Variants in CFAP52 observed in about 807,000 individuals in gnomAD.
CFAP52 encodes the protein cilia- and flagella-associated protein 52.
In CFAP52, 57 loss-of-function variants were observed where a neutral mutation model predicts 70.5. The observed-to-expected ratio is 0.81, with a 90% CI of 0.65 to 1.01. The LOEUF is 1.01. CFAP52 is among the 50% of genes least tolerant of loss of function. CFAP52 has a pLI of 0.00. For missense variants in CFAP52, 785 were observed against 788.5 expected (o/e 1.00, Z 0.05); for synonymous variants, 267 against 292.5 (o/e 0.91, Z 0.89).
In CFAP52 at chr17:9,636,968, C is replaced by A. The variant is rs1329116877; in HGVS notation, c.1472+1412C>A. 3.9e-5 allele frequency among the ~76,000 whole-genome samples: 6 copies of A among 152,114 alleles called. No homozygotes were observed. The South Asian group carries it at 8.3e-4, about 21-fold the overall frequency. Reference sequence around the variant, plus strand: ...GCTGAGGCAGGAGAATCGCTTGAACCCGGGAGGCGGAGGTTGCAGTGAGCT... The same window carrying A: ...GCTGAGGCAGGAGAATCGCTTGAACACGGGAGGCGGAGGTTGCAGTGAGCT... On this transcript the variant is annotated intron_variant, in intron 11 of 13. Coordinates refer to ENST00000352665, the MANE Select transcript of CFAP52 (RefSeq NM_145054.5).
chr17:9,641,868 G>A, intron 13 of CFAP52, 33 bp downstream of exon 13: 7 of 1,586,920 alleles, frequency 4.4e-6, no homozygotes, highest in Non-Finnish European at 6.1e-6. Flanking sequence ...GCCAAGCCTG[G>A]CTTATTTAGA....
Position 9,608,344 on chromosome 17 carries a change from G to A in CFAP52, c.854+125G>A, listed in dbSNP as rs969580540. 30 of 745,226 alleles carry A rather than the reference G, an allele frequency of 4.0e-5. No individual in the cohort carries two copies. In the African/African-American group the frequency reaches 4.9e-4, roughly 12 times the overall value. 46.2% of individuals were successfully genotyped at this position (745,226 alleles called of 1,614,324 possible). Reference sequence around the variant, plus strand: ...GTTAAAAAATTTCATCTTGCTGTTAGAATGAGTAGTTGGAATCACAATAGA... The same window carrying A: ...GTTAAAAAATTTCATCTTGCTGTTAAAATGAGTAGTTGGAATCACAATAGA... On this transcript the variant is annotated intron_variant, in intron 7 of 13. Coordinates refer to ENST00000352665, the MANE Select transcript of CFAP52 (RefSeq NM_145054.5).
chr17:9,630,534 A>G (rs972240739), intron 9 of CFAP52, among the ~76,000 whole-genome samples: 4 of 145,246 alleles, frequency 2.8e-5, no homozygotes, highest in African/African-American at 1.0e-4. Context: ...GGTTCACGCC[A>G]TTCTCCTGCC....
At chr17:9,589,710 G>GA (rs1410843762) in intron 3 of CFAP52, among the ~76,000 whole-genome samples, 1 of 147,042 alleles carries the variant, frequency 6.8e-6, no homozygotes, top group Admixed American at 6.9e-5. Flanking sequence ...TCCAGCCTGG[G>GA]GACAAGAGCG....
chr17:9,598,128 G>A (rs926880499), intron 4 of CFAP52, 106 bp from the exon 5 acceptor site: 60 of 832,716 alleles, frequency 7.2e-5, no homozygotes, highest in African/African-American at 3.9e-4. Context: ...AGGCCATAAC[G>A]AAGCCTCAAA....
chr17:9,586,434 A>C (rs942874166), intron 2 of CFAP52, among the ~76,000 whole-genome samples: 3 of 151,964 alleles, frequency 2.0e-5, no homozygotes, highest in African/African-American at 7.3e-5. Flanking sequence ...GTGCTGGTGC[A>C]TGCCTGTAAT....
intron 3 of CFAP52, among the ~76,000 whole-genome samples, chr17:9,587,936 C>G (rs1908567523): frequency 6.6e-6 from 1 of 152,148 alleles, no homozygotes; most frequent in African/African-American, 2.4e-5. Flanking sequence ...AAGTTGGCTG[C>G]ATGTTGAAAT....
intron 11 of CFAP52, among the ~76,000 whole-genome samples, chr17:9,636,577 C>T (rs1157696054): frequency 6.6e-6 from 1 of 152,068 alleles, no homozygotes; most frequent in Non-Finnish European, 1.5e-5. Context: ...ATTCCTCCAC[C>T]CCTCTCCCCA....
chr17:9,608,039 T>C (rs1054106556), intron 6 of CFAP52, 80 bp from the exon 7 acceptor site: 30 of 1,066,082 alleles, frequency 2.8e-5, no homozygotes, highest in Admixed American at 5.3e-5. Context: ...GAACAGGTGG[T>C]ATTTGGTTAC....
At chr17:9,587,158 T>C (rs1207058347) in intron 3 of CFAP52, among the ~76,000 whole-genome samples, 1 of 152,236 alleles carries the variant, frequency 6.6e-6, no homozygotes, top group Non-Finnish European at 1.5e-5. Flanking sequence ...CTAAGGATAA[T>C]GGCCTCCAGC....
intron 6 of CFAP52, among the ~76,000 whole-genome samples, chr17:9,604,493 C>T (rs1045528337): frequency 6.6e-6 from 1 of 152,170 alleles, no homozygotes; most frequent in African/African-American, 2.4e-5. Context: ...GGCAGCCGGG[C>T]GCAGTGGCTT....
chr17:9,583,155 G>A (rs1908301817), intron 1 of CFAP52, among the ~76,000 whole-genome samples: 1 of 151,980 alleles, frequency 6.6e-6, no homozygotes, highest in Non-Finnish European at 1.5e-5. Flanking sequence ...CCATATGATT[G>A]TTTATAAAGA....
chr17:9,584,318 T>G (rs1258890154), intron 1 of CFAP52: 1 of 1,290,118 alleles, frequency 7.8e-7, no homozygotes, highest in Admixed American at 2.3e-5. Context: ...GTACGGGAGT[T>G]GCCTGTGGAA....
chr17:9,583,133 C>T (rs566693932), intron 1 of CFAP52, among the ~76,000 whole-genome samples: 1 of 152,130 alleles, frequency 6.6e-6, no homozygotes, highest in Admixed American at 6.6e-5. Context: ...TTTAATTTTT[C>T]CATATGGATA....
intron 10 of CFAP52, among the ~76,000 whole-genome samples, chr17:9,633,372 T>C (rs1055950444): frequency 1.3e-5 from 2 of 151,940 alleles, no homozygotes; most frequent in Non-Finnish European, 2.9e-5. Context: ...GCCCAGCTAA[T>C]TTTTCTATTT....
chr17:9,610,540 T>TTG (rs1555542954), intron 7 of CFAP52, among the ~76,000 whole-genome samples: 21 of 152,000 alleles, frequency 1.4e-4, no homozygotes, highest in African/African-American at 5.1e-4. Context: ...CATTTTTTTT[T>TTG]TTTGTTTGTT....
intron 8 of CFAP52, 93 bp downstream of exon 8, chr17:9,612,572 A>C: frequency 7.2e-7 from 1 of 1,386,228 alleles, no homozygotes; most frequent in South Asian, 1.5e-5. Flanking sequence ...TAATGAACAT[A>C]GTTATGATTT....
chr17:9,631,769 G>GTTT (rs562813196), intron 9 of CFAP52, among the ~76,000 whole-genome samples: 1 of 141,598 alleles, frequency 7.1e-6, no homozygotes, highest in Non-Finnish European at 1.5e-5. Flanking sequence ...GTTTTGGAAA[G>GTTT]TTTTTTTTTT....
At chr17:9,625,342 G>C (rs1414295290) in intron 8 of CFAP52, among the ~76,000 whole-genome samples, 1 of 152,026 alleles carries the variant, frequency 6.6e-6, no homozygotes, top group Non-Finnish European at 1.5e-5. Flanking sequence ...TCTTATTCTT[G>C]TGGTTCTCTT....
Sources: allele counts gnomAD v4.1 joint callset (sites outside exome capture counted in the v4.1 genomes callset), GRCh38; gene constraint gnomAD v4.1.1; transcripts MANE v1.5; gene names NCBI Gene and HGNC (gene_info 2026-07-23, HGNC 2026-07-21).